The following KIAA0825 variants were observed in gnomAD, a reference collection of about 807,000 sequenced individuals.
The protein encoded by KIAA0825 is uncharacterized protein KIAA0825.
KIAA0825 carries 119 observed loss-of-function variants against 147.6 expected under a neutral mutation model. The ratio of observed to expected loss-of-function variants is 0.81; its 90% CI spans 0.69 to 0.94. KIAA0825 has a LOEUF of 0.94. Among genes scored for constraint, KIAA0825 ranks in the 40% least tolerant of loss-of-function variants. KIAA0825 has a pLI of 0.00. For missense variants in KIAA0825, 1,381 were observed against 1,472.7 expected (o/e 0.94, Z 1.02); for synonymous variants, 470 against 518.1 (o/e 0.91, Z 1.26).
intron 20 of KIAA0825, among the ~76,000 whole-genome samples, chr5:94,177,703 A>G (rs867593782): frequency 4.1e-4 from 63 of 152,218 alleles, no homozygotes; most frequent in African/African-American, 1.5e-3. Flanking sequence ...ATGGTAATTA[A>G]CTAGTCTAGA....
chr5:94,163,823 A>G (rs1767790058), intron 20 of KIAA0825, among the ~76,000 whole-genome samples: 1 of 152,180 alleles, frequency 6.6e-6, no homozygotes, highest in South Asian at 2.1e-4. Flanking sequence ...GGTGTTGTAT[A>G]TATAGAATAA....
chr5:94,560,202 T>C (rs1012173258), intron 2 of KIAA0825, among the ~76,000 whole-genome samples: 2 of 152,220 alleles, frequency 1.3e-5, no homozygotes, highest in Non-Finnish European at 2.9e-5. Context: ...CAAGATAGTA[T>C]ATAAGCTCTT....
chr5:94,570,202 T>G (rs1468442762), intron 2 of KIAA0825: 1 of 152,464 alleles, frequency 6.6e-6, no homozygotes, highest in Non-Finnish European at 1.5e-5. Flanking sequence ...TTACCTTCCA[T>G]CCTTACTACA....
chr5:94,580,298 A>G (rs73132681), intron 2 of KIAA0825, among the ~76,000 whole-genome samples: 13,439 of 152,252 alleles, frequency 0.088, 646 homozygotes, highest in South Asian at 0.11. Context: ...AGCAAGAAAA[A>G]GTCAATAAAT....
rs561081580 is a variant in KIAA0825, at chr5:94,152,484, T to C, written c.*1523A>G. Among the ~76,000 whole-genome samples, 57 of 151,886 alleles carry C rather than the reference T, an allele frequency of 3.8e-4. No individual in the cohort carries two copies. The Middle Eastern group carries it at 0.01, about 27-fold the overall frequency. On this transcript the variant is annotated 3_prime_UTR_variant, in exon 21 of 21. Coordinates refer to ENST00000682413, the MANE Select transcript of KIAA0825 (RefSeq NM_001145678.3). ...GGGAAGATCACTTGAGGTAGGGAGTTCAAGTCCAGCCTGGGCAACATAGTG... is the reference window on the plus strand; with the variant it reads ...GGGAAGATCACTTGAGGTAGGGAGTCCAAGTCCAGCCTGGGCAACATAGTG...
In KIAA0825 at chr5:94,389,886, G is replaced by A. The variant is rs192740215; in HGVS notation, c.3456+1649C>T. Among the ~76,000 whole-genome samples the A allele has an allele frequency of 2.5e-4, 38 of 152,238 alleles. No homozygotes were observed. In the East Asian group the frequency reaches 6.0e-3, roughly 24 times the overall value. On this transcript the variant is annotated intron_variant, in intron 18 of 20. Transcript: ENST00000682413. ...AACATTATGCCTCTTACCTTGCAGTGCCATGCCTCATTCAGCCCAGTAAAC... is the reference window on the plus strand; with the variant it reads ...AACATTATGCCTCTTACCTTGCAGTACCATGCCTCATTCAGCCCAGTAAAC...
chr5:94,449,985 C>G (rs2150895092), intron 13 of KIAA0825, among the ~76,000 whole-genome samples: 1 of 152,026 alleles, frequency 6.6e-6, no homozygotes, highest in East Asian at 1.9e-4. Flanking sequence ...GAGGCTGAGG[C>G]AGGAGAATCG....
chr5:94,351,095 AG>A (rs2150364215), intron 20 of KIAA0825, among the ~76,000 whole-genome samples: 1 of 152,222 alleles, frequency 6.6e-6, no homozygotes, highest in Admixed American at 6.5e-5. Flanking sequence ...AAAGAAATAA[AG>A]GGCATCCAAA....
At chr5:94,434,983 T>C (rs1279330221) in intron 14 of KIAA0825, among the ~76,000 whole-genome samples, 2 of 152,174 alleles carry the variant, frequency 1.3e-5, no homozygotes, top group African/African-American at 2.4e-5. Context: ...TATTCAACAA[T>C]TATTTATTAA....
intron 20 of KIAA0825, among the ~76,000 whole-genome samples, chr5:94,248,716 C>T (rs1583959266): frequency 6.6e-6 from 1 of 152,240 alleles, no homozygotes. Flanking sequence ...TCTAAGGAAA[C>T]CAACCCATCA....
intron 20 of KIAA0825, among the ~76,000 whole-genome samples, chr5:94,158,425 C>A (rs544231205): frequency 1.3e-5 from 2 of 152,192 alleles, no homozygotes; most frequent in South Asian, 4.1e-4. Flanking sequence ...GTATTTTTGG[C>A]TGACACTACA....
intron 20 of KIAA0825, among the ~76,000 whole-genome samples, chr5:94,163,198 C>G (rs777317294): frequency 7.2e-5 from 11 of 152,058 alleles, no homozygotes; most frequent in Non-Finnish European, 1.5e-4. Flanking sequence ...TATTTGGTAC[C>G]TGACTAGTAT....
At position 94,151,936 on chromosome 5, in the gene KIAA0825, G is replaced by A. The variant is rs534478378; in HGVS notation, c.*2071C>T. 1.2e-4 allele frequency among the ~76,000 whole-genome samples: 19 copies of A among 152,246 alleles called. No homozygotes were observed. The highest frequency in any genetic ancestry group is 2.4e-4 in the Non-Finnish European group (16 of 68,018). On this transcript the variant is annotated 3_prime_UTR_variant, in exon 21 of 21. Coordinates refer to ENST00000682413, the MANE Select transcript of KIAA0825 (RefSeq NM_001145678.3). ...CTTAGCTGAAGGAATAAAGTCAACT[G>A]TTGCCTTATGTTGATTGTTATAGTA...
At chr5:94,304,348 A>G (rs1030627376) in intron 20 of KIAA0825, among the ~76,000 whole-genome samples, 1 of 152,102 alleles carries the variant, frequency 6.6e-6, no homozygotes, top group African/African-American at 2.4e-5. Context: ...AAGACATTAC[A>G]TAATTGCAGG....
rs1425011729 is a variant in KIAA0825, at chr5:94,151,445, A to AC, written c.*2561_*2562insG. Among the ~76,000 whole-genome samples the AC allele has an allele frequency of 2.0e-5, 3 of 151,250 alleles. No homozygotes were observed. Among genetic ancestry groups the AC allele is most frequent in the Non-Finnish European group, 3.0e-5 (2 of 67,740 alleles). ...TCTCAAAAAAAAAAAAAAAAAAAAAAAAAAAACATATTGAGTATAAAGTCA... is the reference window on the plus strand; with the variant it reads ...TCTCAAAAAAAAAAAAAAAAAAAAAACAAAAAACATATTGAGTATAAAGTCA... On this transcript the variant is annotated 3_prime_UTR_variant, in exon 21 of 21. Coordinates refer to ENST00000682413, the MANE Select transcript of KIAA0825 (RefSeq NM_001145678.3).
At chr5:94,258,462 C>G (rs1776346217) in intron 20 of KIAA0825, among the ~76,000 whole-genome samples, 1 of 151,936 alleles carries the variant, frequency 6.6e-6, no homozygotes, top group African/African-American at 2.4e-5. Flanking sequence ...CATTTGGCCA[C>G]TTGGAGAATA....
intron 14 of KIAA0825, among the ~76,000 whole-genome samples, chr5:94,418,117 A>G (rs1025051324): frequency 2.6e-5 from 4 of 152,192 alleles, no homozygotes; most frequent in African/African-American, 9.6e-5. Flanking sequence ...AATAAACAAC[A>G]TATTTGTTGG....
rs1276003510 is a variant in KIAA0825, at chr5:94,473,457, G to A, written c.1290C>T (p.His430=). ...AACCTTCAATTGCAGTTACTACGCA[G>A]TGCGCCATGGGAAGAGACACTTCTT... The part of the protein sequence containing the change: ...AFKEVSLPMA[H]CVVTAIEGFS... Residue 430 remains histidine, a synonymous_variant, in exon 8 of 21, where the codon CAC becomes CAT. Transcript: ENST00000682413. 2.6e-6 allele frequency: 4 copies of A among 1,551,718 alleles called. No individual in the cohort carries two copies. The East Asian group carries it at 7.3e-5, about 28-fold the overall frequency.
At chr5:94,580,192 T>C (rs1781819862) in intron 2 of KIAA0825, among the ~76,000 whole-genome samples, 2 of 152,192 alleles carry the variant, frequency 1.3e-5, no homozygotes, top group Admixed American at 1.3e-4. Flanking sequence ...GACTAATGTT[T>C]ACCCAGTCAT....
Sources: gnomAD v4.1 joint callset for allele counts (sites outside exome capture counted in the v4.1 genomes callset) on GRCh38, gnomAD v4.1.1 for gene constraint, MANE v1.5 for transcripts, NCBI Gene and HGNC (gene_info 2026-07-23, HGNC 2026-07-21) for gene names.